Variants in TTC28 observed in about 807,000 individuals in gnomAD.
TTC28 encodes the protein tetratricopeptide repeat domain 28.
In TTC28, 61 loss-of-function variants were observed where a neutral mutation model predicts 198.0. That is an observed-to-expected ratio of 0.31 (90% CI 0.25 to 0.38). The LOEUF (loss-of-function observed/expected upper bound fraction) is 0.38. Among genes scored for constraint, TTC28 ranks in the 10% least tolerant of loss-of-function variants. The pLI is 1.00. For synonymous variants in TTC28, 1,171 were observed against 1,297.8 expected, an observed-to-expected ratio of 0.90 and a Z score of 2.10; for missense variants, 2,678 against 3,164.0, an observed-to-expected ratio of 0.85 and a Z score of 3.69.
chr22:28,032,252 T>A (rs1336118714), intron 12 of TTC28, among the ~76,000 whole-genome samples: 15 of 79,548 alleles, frequency 1.9e-4, no homozygotes, highest in Admixed American at 4.9e-4. Context: ...ATATATAAAA[T>A]ATATATATAT....
chr22:28,516,378 A>C (rs2048786869), intron 2 of TTC28, among the ~76,000 whole-genome samples: 1 of 152,142 alleles, frequency 6.6e-6, no homozygotes, highest in Non-Finnish European at 1.5e-5. Flanking sequence ...TTCAATTGTA[A>C]AATAGGTGCC....
chr22:28,491,330 G>T (rs1049822623), intron 2 of TTC28, among the ~76,000 whole-genome samples: 1 of 152,108 alleles, frequency 6.6e-6, no homozygotes, highest in African/African-American at 2.4e-5. Context: ...GCAACCTACA[G>T]AATGGGAGAA....
chr22:28,041,330 C>G (rs1222032723), intron 12 of TTC28, among the ~76,000 whole-genome samples: 1 of 152,198 alleles, frequency 6.6e-6, no homozygotes, highest in Non-Finnish European at 1.5e-5. Flanking sequence ...TGACTTCAAA[C>G]TATACTGCAA....
chr22:28,474,258 T>C (rs2050066879), intron 2 of TTC28, among the ~76,000 whole-genome samples: 1 of 152,180 alleles, frequency 6.6e-6, no homozygotes, highest in African/African-American at 2.4e-5. Flanking sequence ...AGAACTGACT[T>C]GGCAGAAGCA....
intron 21 of TTC28, 121 bp downstream of exon 21, chr22:27,989,757 G>GTTTTAACTC: frequency 2.3e-6 from 3 of 1,328,882 alleles, no homozygotes; most frequent in Non-Finnish European, 3.0e-6. Flanking sequence ...TGAGTTAACT[G>GTTTTAACTC]TTTTAAGATA....
chr22:28,228,256 G>A (rs766714447), intron 5 of TTC28, among the ~76,000 whole-genome samples: 1 of 152,092 alleles, frequency 6.6e-6, no homozygotes, highest in Non-Finnish European at 1.5e-5. Flanking sequence ...CAAAATTCAA[G>A]TTGGGAAAAT....
At chr22:28,488,087 T>C (rs915425782) in intron 2 of TTC28, among the ~76,000 whole-genome samples, 1 of 152,184 alleles carries the variant, frequency 6.6e-6, no homozygotes, top group Non-Finnish European at 1.5e-5. Context: ...AATCCAGGCA[T>C]AGAGAACCAG....
rs531731238 is a variant in TTC28, at chr22:28,120,472, G to A, written c.1442-12069C>T. On this transcript the variant is annotated intron_variant, in intron 6 of 22. Coordinates refer to ENST00000397906, the MANE Select transcript of TTC28 (RefSeq NM_001145418.2). Reference sequence around the variant, plus strand: ...TCACTAAGATTCAGAGCTAGGACCTGAACTCACACCCACCACCTCCCAGCC... The same window carrying A: ...TCACTAAGATTCAGAGCTAGGACCTAAACTCACACCCACCACCTCCCAGCC... 2.5e-3 allele frequency among the ~76,000 whole-genome samples: 380 copies of A among 152,258 alleles called. 3 individuals are homozygous for A. Among genetic ancestry groups the A allele is most frequent in the Middle Eastern group, 0.017 (5 of 294 alleles).
intron 12 of TTC28, among the ~76,000 whole-genome samples, chr22:28,042,927 G>C (rs199531196): frequency 6.6e-6 from 1 of 152,040 alleles, no homozygotes; most frequent in East Asian, 1.9e-4. Flanking sequence ...AGCGAGCTCT[G>C]ACCATAAACA....
intron 12 of TTC28, among the ~76,000 whole-genome samples, chr22:28,070,305 C>A (rs1459972505): frequency 6.6e-6 from 1 of 152,036 alleles, no homozygotes; most frequent in East Asian, 1.9e-4. Flanking sequence ...AACCTCCACA[C>A]AATAAATACT....
chr22:28,257,516 A>T (rs1931014449), intron 5 of TTC28, among the ~76,000 whole-genome samples: 1 of 151,936 alleles, frequency 6.6e-6, no homozygotes, highest in East Asian at 1.9e-4. Context: ...TAGATATTGC[A>T]TGTTCTCATT....
intron 2 of TTC28, among the ~76,000 whole-genome samples, chr22:28,504,714 A>G (rs962970004): frequency 6.6e-6 from 1 of 152,130 alleles, no homozygotes; most frequent in African/African-American, 2.4e-5. Context: ...CCAACTTTTG[A>G]GGTTGTCCAT....
At chr22:28,215,054 T>G (rs1203894690) in intron 5 of TTC28, among the ~76,000 whole-genome samples, 1 of 152,084 alleles carries the variant, frequency 6.6e-6, no homozygotes, top group Admixed American at 6.6e-5. Flanking sequence ...ACACCACATG[T>G]TCTCACTAAT....
Position 27,992,676 on chromosome 22 carries a change from A to G in TTC28, c.5477-13T>C. The G allele has an allele frequency of 6.4e-7, 1 of 1,551,170 alleles. No homozygotes were observed. ...GGATTGGGCAGACCTAAACCAAGAA[A>G]AAAGGGTAGAAGTTATTCAGAAGGG... On this transcript the variant is annotated splice_polypyrimidine_tract_variant and intron_variant, in intron 18 of 22. Coordinates refer to ENST00000397906, the MANE Select transcript of TTC28 (RefSeq NM_001145418.2).
At chr22:28,425,308 A>G (rs192167138) in intron 2 of TTC28, among the ~76,000 whole-genome samples, 5 of 152,372 alleles carry the variant, frequency 3.3e-5, no homozygotes, top group Non-Finnish European at 7.3e-5. Flanking sequence ...CCAATATCCA[A>G]GAATCTTCAG....
intron 2 of TTC28, among the ~76,000 whole-genome samples, chr22:28,614,673 G>A (rs140710341): frequency 6.6e-6 from 1 of 152,166 alleles, no homozygotes. Context: ...TGACAAACCT[G>A]ACAGCAACAA....
rs191801440 is a variant in TTC28 at position 28,256,536 on chromosome 22, A to C, written c.933+39662T>G. Among the ~76,000 whole-genome samples, 1,350 of 152,270 alleles carry C rather than the reference A, an allele frequency of 8.9e-3. 17 individuals carry two copies. Among genetic ancestry groups the C allele is most frequent in the African/African-American group, 0.031 (1,276 of 41,544 alleles). ...AAAGATTCAATGCGTCTCTATCAAA[A>C]TGTCAATGACATTATTCACAGAAAT... On this transcript the variant is annotated intron_variant, in intron 5 of 22. Transcript: ENST00000397906.
At chr22:28,084,980 G>T in intron 12 of TTC28, among the ~76,000 whole-genome samples, 1 of 152,036 alleles carries the variant, frequency 6.6e-6, no homozygotes, top group East Asian at 1.9e-4. Flanking sequence ...AAAAAGAAAT[G>T]AACAAACCCT....
At chr22:28,570,191 A>G (rs999979716) in intron 2 of TTC28, among the ~76,000 whole-genome samples, 7 of 152,228 alleles carry the variant, frequency 4.6e-5, no homozygotes, top group Non-Finnish European at 8.8e-5. Context: ...TATTCAACAC[A>G]GCAATCCCAT....
Sources: gnomAD v4.1 joint callset for allele counts (sites outside exome capture counted in the v4.1 genomes callset) on GRCh38, gnomAD v4.1.1 for gene constraint, MANE v1.5 for transcripts, NCBI Gene and HGNC (gene_info 2026-07-23, HGNC 2026-07-21) for gene names.